Variants in TANC1 observed in about 807,000 individuals in gnomAD.
TANC1 encodes the protein protein TANC1.
In TANC1, 77 loss-of-function variants were observed where a neutral mutation model predicts 149.7. The observed-to-expected ratio is 0.51, with a 90% CI of 0.43 to 0.62. TANC1 has a LOEUF of 0.62. TANC1 is among the 20% of genes least tolerant of loss of function. TANC1 has a pLI of 0.00. For missense variants in TANC1, 1,985 were observed against 2,321.8 expected (o/e 0.85, Z 2.98); for synonymous variants, 854 against 925.0 (o/e 0.92, Z 1.39).
At chr2:159,114,449 C>G (rs1241142985) in intron 4 of TANC1, among the ~76,000 whole-genome samples, 1 of 152,114 alleles carries the variant, frequency 6.6e-6, no homozygotes, top group Admixed American at 6.5e-5. Flanking sequence ...TTTTAACAGG[C>G]AAGCAGGTGC....
At chr2:159,054,034 GAA>G (rs1414328262) in intron 2 of TANC1, among the ~76,000 whole-genome samples, 1 of 152,214 alleles carries the variant, frequency 6.6e-6, no homozygotes, top group East Asian at 1.9e-4. Flanking sequence ...CTCTAGGAGT[GAA>G]GTGTGTGTGA....
At chr2:159,153,449 C>T (rs2053079391) in intron 7 of TANC1, among the ~76,000 whole-genome samples, 1 of 152,216 alleles carries the variant, frequency 6.6e-6, no homozygotes. Flanking sequence ...CTCTGGAGAC[C>T]ATGCCTCCCA....
intron 7 of TANC1, among the ~76,000 whole-genome samples, chr2:159,159,589 T>C (rs1313876411): frequency 6.6e-6 from 1 of 152,136 alleles, no homozygotes; most frequent in Non-Finnish European, 1.5e-5. Flanking sequence ...TAACTCCTTT[T>C]ATGTAATGAG....
At chr2:159,189,874 T>C (rs1209836916) in intron 16 of TANC1, among the ~76,000 whole-genome samples, 1 of 152,086 alleles carries the variant, frequency 6.6e-6, no homozygotes, top group Non-Finnish European at 1.5e-5. Context: ...GTGGTTTCAG[T>C]GTGCATCAAG....
intron 4 of TANC1, among the ~76,000 whole-genome samples, chr2:159,131,261 A>T (rs552840301): frequency 6.6e-6 from 1 of 152,188 alleles, no homozygotes; most frequent in East Asian, 1.9e-4. Context: ...AACGGCACTC[A>T]TGAGTTTAGC....
intron 2 of TANC1, chr2:159,060,051 C>G: frequency 1.2e-6 from 1 of 850,364 alleles, no homozygotes; most frequent in Non-Finnish European, 1.4e-6. Context: ...CCACCACTTT[C>G]TTGTTGCTAA....
At chr2:159,202,153 G>A (rs913878273) in intron 19 of TANC1, among the ~76,000 whole-genome samples, 9 of 152,170 alleles carry the variant, frequency 5.9e-5, no homozygotes, top group South Asian at 4.1e-4. Context: ...CAGCAGCCCC[G>A]TGGAGGTCCC....
At chr2:159,031,324 A>G (rs975469896) in intron 2 of TANC1, among the ~76,000 whole-genome samples, 2 of 152,234 alleles carry the variant, frequency 1.3e-5, no homozygotes, top group African/African-American at 2.4e-5. Flanking sequence ...AGGAAGGGCC[A>G]TGGACACTGA....
intron 1 of TANC1, among the ~76,000 whole-genome samples, chr2:158,983,655 G>C (rs2034683568): frequency 6.6e-6 from 1 of 152,024 alleles, no homozygotes; most frequent in Non-Finnish European, 1.5e-5. Flanking sequence ...GTATGGTTTA[G>C]AACAATACAC....
At chr2:159,036,019 G>T (rs1029392445) in intron 2 of TANC1, among the ~76,000 whole-genome samples, 1 of 152,200 alleles carries the variant, frequency 6.6e-6, no homozygotes, top group Non-Finnish European at 1.5e-5. Flanking sequence ...GCTGTGATGG[G>T]TATTCTTTTA....
chr2:159,201,560 G>C (rs1345766537), intron 19 of TANC1, among the ~76,000 whole-genome samples: 2 of 152,176 alleles, frequency 1.3e-5, no homozygotes, highest in Admixed American at 1.3e-4. Context: ...GAAAGTAGTG[G>C]TTTTGCATCC....
intron 4 of TANC1, among the ~76,000 whole-genome samples, chr2:159,104,966 A>T (rs2047015311): frequency 1.1e-5 from 1 of 92,314 alleles, no homozygotes; most frequent in Non-Finnish European, 2.4e-5. Flanking sequence ...AACATTTCTG[A>T]TTGTTGGATA....
chr2:159,164,727 G>A (rs1272382016), intron 8 of TANC1, among the ~76,000 whole-genome samples: 1 of 152,224 alleles, frequency 6.6e-6, no homozygotes, highest in Non-Finnish European at 1.5e-5. Flanking sequence ...TCAGGATGCG[G>A]TGGGTCACTC....
chr2:159,219,989 T>G (rs1037490031), intron 22 of TANC1, 122 bp downstream of exon 22: 3 of 592,138 alleles, frequency 5.1e-6, no homozygotes, highest in Non-Finnish European at 7.9e-6. Flanking sequence ...TGTGTGTGTG[T>G]GTGTGTGTGT....
chr2:159,163,142 T>A, intron 7 of TANC1, 141 bp from the exon 8 acceptor site: 1 of 822,548 alleles, frequency 1.2e-6, no homozygotes, highest in Non-Finnish European at 1.9e-6. Context: ...CCAAAATACA[T>A]TGTATGGAAC....
chr2:159,151,156 T>C (rs185911740), intron 7 of TANC1, among the ~76,000 whole-genome samples: 10 of 152,332 alleles, frequency 6.6e-5, no homozygotes, highest in Non-Finnish European at 1.2e-4. Flanking sequence ...TTGAGCAACA[T>C]TGAATTTACC....
chr2:159,191,231 G>T (rs1348065014), intron 16 of TANC1, among the ~76,000 whole-genome samples: 1 of 152,190 alleles, frequency 6.6e-6, no homozygotes, highest in Non-Finnish European at 1.5e-5. Flanking sequence ...TCCCAGCAGT[G>T]TGAAGAAACT....
At chr2:159,062,366 C>T (rs898274910) in intron 2 of TANC1, among the ~76,000 whole-genome samples, 6 of 152,226 alleles carry the variant, frequency 3.9e-5, no homozygotes, top group African/African-American at 1.4e-4. Context: ...GTATGTTGGG[C>T]TTGTCATTTA....
At chr2:159,200,099 C>T (rs2058137343) in intron 19 of TANC1, among the ~76,000 whole-genome samples, 1 of 152,202 alleles carries the variant, frequency 6.6e-6, no homozygotes, top group African/African-American at 2.4e-5. Context: ...TGGAGTCCTT[C>T]CCCTTCCCTT....
Sources: allele counts gnomAD v4.1 joint callset (sites outside exome capture counted in the v4.1 genomes callset), GRCh38; gene constraint gnomAD v4.1.1; transcripts MANE v1.5; gene names NCBI Gene and HGNC (gene_info 2026-07-23, HGNC 2026-07-21).